ZNF8: variants seen among roughly 807,000 people sequenced by gnomAD.
ZNF8 encodes the protein zinc finger protein 8, also known as zinc finger protein 272.
ZNF8 carries 9 observed loss-of-function variants against 12.2 expected under a neutral mutation model. The observed-to-expected ratio is 0.73, with a 90% confidence interval of 0.44 to 1.28. ZNF8 has a LOEUF of 1.28. Among genes scored for constraint, ZNF8 ranks in the 50% most tolerant of loss-of-function variants. ZNF8 has a pLI of 0.00. For synonymous variants in ZNF8, 274 were observed against 282.3 expected (o/e 0.97, Z 0.30); for missense variants, 664 against 729.1 (o/e 0.91, Z 1.03).
chr19:58,292,045 C>G (rs2051422489), intron 3 of ZNF8, among the ~76,000 whole-genome samples: 1 of 151,996 alleles, frequency 6.6e-6, no homozygotes, highest in Admixed American at 6.6e-5. Context: ...CCAGGGCTGG[C>G]TTGCAGTGGG....
At chr19:58,289,123 A>G (rs2147957681) in intron 3 of ZNF8, among the ~76,000 whole-genome samples, 1 of 152,278 alleles carries the variant, frequency 6.6e-6, no homozygotes, top group South Asian at 2.1e-4. Flanking sequence ...TTAAGACAGA[A>G]ACATATTTTC....
chr19:58,284,545 A>G (rs1209987604), intron 1 of ZNF8, among the ~76,000 whole-genome samples: 1 of 152,214 alleles, frequency 6.6e-6, no homozygotes, highest in Non-Finnish European at 1.5e-5. Context: ...CAACTTATAA[A>G]AATCAGAATT....
chr19:58,292,877 C>T (rs537433986), intron 3 of ZNF8, among the ~76,000 whole-genome samples: 1 of 151,008 alleles, frequency 6.6e-6, no homozygotes, highest in South Asian at 2.1e-4. Flanking sequence ...CCACTATGAA[C>T]ATTAGTGTAT....
chr19:58,279,901 GGTTT>G, intron 1 of ZNF8: 6 of 1,207,008 alleles, frequency 5.0e-6, no homozygotes, highest in Non-Finnish European at 6.4e-6. Flanking sequence ...TTTTGTCGTT[GGTTT>G]GTTCATGGGG....
At chr19:58,285,626 G>A in intron 1 of ZNF8, 91 bp from the exon 2 acceptor site, 5 of 1,590,278 alleles carry the variant, frequency 3.1e-6, no homozygotes, top group Non-Finnish European at 4.3e-6. Flanking sequence ...CGTGACACAG[G>A]CCTGCCTGTT....
intron 1 of ZNF8, among the ~76,000 whole-genome samples, chr19:58,283,898 C>T (rs2051366509): frequency 6.6e-6 from 1 of 151,884 alleles, no homozygotes; most frequent in African/African-American, 2.4e-5. Context: ...CGCTCCCAGC[C>T]CACAAATAAA....
chr19:58,280,848 G>A (rs1384054410), intron 1 of ZNF8, among the ~76,000 whole-genome samples: 29 of 152,126 alleles, frequency 1.9e-4, no homozygotes, highest in Admixed American at 1.9e-3. Context: ...CCCTTTGCCT[G>A]TCTTCAAAGC....
chr19:58,290,777 A>G (rs941394985), intron 3 of ZNF8, among the ~76,000 whole-genome samples: 3 of 152,048 alleles, frequency 2.0e-5, no homozygotes, highest in Non-Finnish European at 2.9e-5. Flanking sequence ...GAGGCCAGGC[A>G]TGGTGGCTTA....
chr19:58,294,174 G>A lies in ZNF8; in HGVS notation c.366G>A (p.Thr122=), dbSNP rs375156104. The part of the protein sequence containing the change: ...GLPEEEPSHV[T]GREGFPTDAP... ...CTGAAGAGGAGCCATCCCATGTCAC[G>A]GGAAGGGAAGGATTCCCGACAGATG... Residue 122 remains threonine (T), a synonymous_variant, in exon 4 of 4, where the codon ACG becomes ACA. Transcript: ENST00000621650. The surrounding 1 kb of genome is among the most constrained non-coding windows in gnomAD (Gnocchi z 5.5). The A allele has an allele frequency of 6.9e-5, 112 of 1,613,868 alleles. No individual in the cohort carries two copies. Among genetic ancestry groups the A allele is most frequent in the Middle Eastern group, 1.6e-4 (1 of 6,084 alleles).
At chr19:58,292,439 G>C (rs1014569050) in intron 3 of ZNF8, among the ~76,000 whole-genome samples, 2 of 152,108 alleles carry the variant, frequency 1.3e-5, no homozygotes, top group African/African-American at 4.8e-5. Context: ...CTTCTTATAA[G>C]ATCACTAATC....
At position 58,294,178 on chromosome 19, in the gene ZNF8, A is replaced by C; in HGVS notation, c.370A>C (p.Arg124=). ...AGAGGAGCCATCCCATGTCACGGGA[A>C]GGGAAGGATTCCCGACAGATGCTCC... ...PEEEPSHVTG[R]EGFPTDAPYP... The change falls in exon 4 of 4, where the codon AGG becomes CGG. Residue 124 remains arginine, a synonymous_variant. Transcript: ENST00000621650. The surrounding 1 kb of genome is among the most constrained non-coding windows in gnomAD (Gnocchi z 5.5). 1 of 1,614,082 alleles carries C rather than the reference A, an allele frequency of 6.2e-7. No individual in the cohort carries two copies. Among genetic ancestry groups the C allele is most frequent in the South Asian group, 1.1e-5 (1 of 91,082 alleles).
intron 1 of ZNF8, among the ~76,000 whole-genome samples, chr19:58,281,013 A>T (rs2051347843): frequency 1.3e-5 from 2 of 152,172 alleles, no homozygotes; most frequent in South Asian, 4.1e-4. Flanking sequence ...TCCTAATCAC[A>T]TCTGCACAGT....
chr19:58,294,355 G>A lies in ZNF8; in HGVS notation c.547G>A (p.Val183Ile), dbSNP rs149638315. The A allele has an allele frequency of 5.5e-5, 89 of 1,614,128 alleles. No homozygotes were observed. In the South Asian group the frequency reaches 5.8e-4, roughly 11 times the overall value. Residue 183 changes from valine (V) to isoleucine (I), a missense_variant, in exon 4 of 4, where the codon GTC (valine) becomes ATC (isoleucine). Coordinates refer to ENST00000621650, the MANE Select transcript of ZNF8 (RefSeq NM_021089.3). This position sits in a 1 kb window ranked among gnomAD's most constrained non-coding sequence, Gnocchi z 5.5. Reference sequence around the variant, plus strand: ...AACTCTCAGACTCAGGGAAAACTGCGTCCTGAGTTCAAGCCCAAATCCATT... The same window carrying A: ...AACTCTCAGACTCAGGGAAAACTGCATCCTGAGTTCAAGCCCAAATCCATT... ...YKTLRLRENC[V>I]LSSSPNPFPE...
In ZNF8 at chr19:58,293,358, T is replaced by C. The variant is rs547774424; in HGVS notation, c.290-740T>C. On this transcript the variant is annotated intron_variant, in intron 3 of 3. Transcript: ENST00000621650. ...TCATTCATTCATTCCCTCGATACGTTCCTTCAGCATTCACTGAGAGATATT... is the reference window on the plus strand; with the variant it reads ...TCATTCATTCATTCCCTCGATACGTCCCTTCAGCATTCACTGAGAGATATT... 2.6e-5 allele frequency among the ~76,000 whole-genome samples: 4 copies of C among 152,290 alleles called. No individual in the cohort carries two copies. The South Asian group carries it at 8.3e-4, about 32-fold the overall frequency.
At chr19:58,286,934 C>T (rs260474) in intron 3 of ZNF8, 88,535 of 152,178 alleles carry the variant, frequency 0.58, 26,182 homozygotes, top group Middle Eastern at 0.68. Flanking sequence ...CCAGGTCATT[C>T]CCTCTCTCAC....
chr19:58,287,863 TC>T (rs1244484983), intron 3 of ZNF8, among the ~76,000 whole-genome samples: 1 of 102,960 alleles, frequency 9.7e-6, no homozygotes, highest in Non-Finnish European at 2.1e-5. Context: ...CTTTCTTTCT[TC>T]CTTTTTTTTT....
intron 3 of ZNF8, among the ~76,000 whole-genome samples, chr19:58,288,127 T>C (rs2147957088): frequency 6.6e-6 from 1 of 152,036 alleles, no homozygotes; most frequent in African/African-American, 2.4e-5. Flanking sequence ...CTGAAAGTGC[T>C]GGGATTACAG....
rs2051485977 is a variant in ZNF8 at position 58,300,603 on chromosome 19, ATGATGG to A, written c.*5068_*5073del. 1 of 152,070 alleles carries A rather than the reference ATGATGG, an allele frequency of 6.6e-6. No individual in the cohort carries two copies. Among genetic ancestry groups the A allele is most frequent in the Non-Finnish European group, 1.5e-5 (1 of 68,048 alleles). The allele number at this position is 152,070 out of a possible 1,614,324, so 9.4% of individuals were successfully genotyped here. On this transcript the variant is annotated 3_prime_UTR_variant, in exon 4 of 4. Transcript: ENST00000621650. ...GGGAGAGAAAAGTCCTGGGAAGTGG[ATGATGG>A]AGGCAGCTAGCCGTAGCTGCTGCTT...
At chr19:58,288,022 CCTTTT>C (rs1300420997) in intron 3 of ZNF8, among the ~76,000 whole-genome samples, 2 of 26,138 alleles carry the variant, frequency 7.7e-5, no homozygotes, top group East Asian at 1.1e-3. Flanking sequence ...GTTTGTGTGT[CCTTTT>C]TTTTTTTTTT....
Sources: gnomAD v4.1 joint callset for allele counts (sites outside exome capture counted in the v4.1 genomes callset) on GRCh38, gnomAD v4.1.1 for gene constraint, Gnocchi (gnomAD v3.1) non-coding constraint, MANE v1.5 for transcripts, NCBI Gene and HGNC (gene_info 2026-07-23, HGNC 2026-07-21) for gene names.